DDB1: variants seen among roughly 807,000 people sequenced by gnomAD.
DDB1 encodes the protein DNA damage-binding protein 1.
A neutral mutation model predicts 133.1 loss-of-function variants in DDB1; 18 were observed. That is an observed-to-expected ratio of 0.14 (90% CI 0.09 to 0.20). DDB1 has a LOEUF of 0.20. Ranked by LOEUF, DDB1 falls within the 10% of genes least tolerant of loss-of-function variation. The probability of loss-of-function intolerance (pLI) is 1.00; values close to 1 mark genes in which losing one functional copy is unlikely to be tolerated. For missense variants in DDB1, 828 were observed against 1,459.2 expected (o/e 0.57, Z 7.05); for synonymous variants, 580 against 550.5 (o/e 1.05, Z -0.75).
intron 2 of DDB1, chr11:61,330,289 A>C: frequency 2.4e-6 from 1 of 408,582 alleles, no homozygotes; most frequent in African/African-American, 2.0e-5. Context: ...TCTAGTTCTC[A>C]CTTTCATGAT....
intron 1 of DDB1, 76 bp downstream of exon 1, chr11:61,332,832 G>A (rs545103338): frequency 2.3e-6 from 3 of 1,313,324 alleles, no homozygotes; most frequent in South Asian, 3.6e-5. Flanking sequence ...GCCGCCCCCG[G>A]GGCGGCGGGC....
At chr11:61,316,142 G>A in intron 12 of DDB1, 143 bp downstream of exon 12, 1 of 709,084 alleles carries the variant, frequency 1.4e-6, no homozygotes, top group Non-Finnish European at 2.4e-6. Context: ...CTGAGTAGTG[G>A]ATTATCTGTA....
intron 18 of DDB1, 40 bp from the exon 19 acceptor site, chr11:61,310,458 A>G: frequency 1.3e-6 from 2 of 1,561,538 alleles, no homozygotes; most frequent in Non-Finnish European, 1.7e-6. Context: ...TCTCAAACAC[A>G]GAAGAAGTGC....
chr11:61,313,596 C>T lies in DDB1; in HGVS notation c.1972G>A (p.Val658Ile). The T allele has an allele frequency of 6.2e-7, 1 of 1,614,124 alleles. No homozygotes were observed. Among genetic ancestry groups the T allele is most frequent in the Non-Finnish European group, 8.5e-7 (1 of 1,180,038 alleles). Residue 658 changes from valine (V) to isoleucine (I), a missense_variant, in exon 16 of 27, where the codon GTC (valine) becomes ATC (isoleucine). Around this residue, in one of 7 missense-constraint regions of DDB1, gnomAD observed 396 missense variants for 554.1 expected, o/e 0.71. Transcript: ENST00000301764. ...NVFACSDRPT[V>I]IYSSNHKLVF... The stretch of plus-strand genomic sequence containing the variant: ...AATTTGTGGTTGCTGCTATAGATGA[C>T]AGTGGGGCGGTCAGAACAAGCAAAG...
rs1340367258 is a variant in DDB1, at chr11:61,309,880, A to G, written c.2482T>C (p.Tyr828His). 6.2e-7 allele frequency: 1 copy of G among 1,614,210 alleles called. No individual in the cohort carries two copies. Among genetic ancestry groups the G allele is most frequent in the Admixed American group, 1.7e-5 (1 of 60,020 alleles). The change falls in exon 20 of 27, where the codon TAC (tyrosine) becomes CAC (histidine). Residue 828 changes from tyrosine to histidine, a missense_variant. Around this residue, in one of 7 missense-constraint regions of DDB1, gnomAD observed 396 missense variants for 554.1 expected, o/e 0.71. Coordinates refer to ENST00000301764, the MANE Select transcript of DDB1 (RefSeq NM_001923.5). ...ACCATTGCTGTGCCCACAATGAAGTAAGTGTTGGGGTCTTTGCCCAGCTTG... is the reference window on the plus strand; with the variant it reads ...ACCATTGCTGTGCCCACAATGAAGTGAGTGTTGGGGTCTTTGCCCAGCTTG... The part of the protein sequence containing the change: ...SCKLGKDPNT[Y>H]FIVGTAMVYP...
intron 19 of DDB1, 128 bp downstream of exon 19, chr11:61,310,167 C>G: frequency 7.0e-7 from 1 of 1,434,108 alleles, no homozygotes; most frequent in Non-Finnish European, 9.5e-7. Context: ...TCACAGAATT[C>G]CCACCCCTCC....
At chr11:61,307,772 C>A (rs1855900460) in intron 21 of DDB1, among the ~76,000 whole-genome samples, 1 of 152,136 alleles carries the variant, frequency 6.6e-6, no homozygotes, top group South Asian at 2.1e-4. Context: ...CACTCCAAAC[C>A]TGCTGCACTA....
At position 61,321,727 on chromosome 11, in the gene DDB1, C is replaced by G. The variant is rs559744672; in HGVS notation, c.1123-30G>C. ...AAGCAGAGAAAACGTTTCTAAAGAA[C>G]CCCCTCAAGATACTGGGCCAGTCAT... On this transcript the variant is annotated intron_variant, in intron 9 of 26. Coordinates refer to ENST00000301764, the MANE Select transcript of DDB1 (RefSeq NM_001923.5). 5.6e-6 allele frequency: 9 copies of G among 1,600,142 alleles called. No homozygotes were observed. The African/African-American group carries it at 1.2e-4, about 21-fold the overall frequency.
Position 61,309,747 on chromosome 11 carries a change from T to C in DDB1, c.2566+49A>G, listed in dbSNP as rs759830758. ...TGAAACCTCACAATGGCCTGCTGAC[T>C]TTCTCAGCATTTCACATCCCTCAGA... On this transcript the variant is annotated intron_variant, in intron 20 of 26. Coordinates refer to ENST00000301764, the MANE Select transcript of DDB1 (RefSeq NM_001923.5). The C allele has an allele frequency of 3.8e-6, 6 of 1,584,422 alleles. No individual in the cohort carries two copies. In the East Asian group the frequency reaches 1.1e-4, roughly 30 times the overall value.
rs565836116 is a variant in DDB1 at position 61,299,991 on chromosome 11, C to G, written c.*145G>C. Reference sequence around the variant, plus strand: ...CCAAGTCTCTATGAAGCCCGCCCCACTTCCACATAGGGGAACTGTGGCTCT... The same window carrying G: ...CCAAGTCTCTATGAAGCCCGCCCCAGTTCCACATAGGGGAACTGTGGCTCT... On this transcript the variant is annotated 3_prime_UTR_variant, in exon 27 of 27. Transcript: ENST00000301764. 3.5e-4 allele frequency: 257 copies of G among 729,096 alleles called. 1 individual carries two copies. The highest frequency in any genetic ancestry group is 5.3e-4 in the Non-Finnish European group (227 of 426,296). The allele number at this position is 729,096 out of a possible 1,614,324, so 45.2% of individuals were successfully genotyped here. A position where few individuals can be genotyped will look rare whatever the true frequency, so the allele number is the denominator to read the frequency against.
intron 10 of DDB1, among the ~76,000 whole-genome samples, chr11:61,316,974 T>G (rs1421313611): frequency 1.0e-4 from 6 of 60,086 alleles, no homozygotes; most frequent in Admixed American, 3.2e-4. Context: ...TATATATATA[T>G]ATATATATAT....
At chr11:61,311,725 G>A in intron 18 of DDB1, 59 bp downstream of exon 18, 1 of 1,493,666 alleles carries the variant, frequency 6.7e-7, no homozygotes, top group Non-Finnish European at 9.1e-7. Context: ...TACCTGGCCT[G>A]TACAGAAAGC....
At chr11:61,309,329 T>C (rs1011100673) in intron 20 of DDB1, among the ~76,000 whole-genome samples, 4 of 152,172 alleles carry the variant, frequency 2.6e-5, no homozygotes, top group Admixed American at 6.5e-5. Context: ...TCTCTCAAGA[T>C]GGAAACCAGA....
intron 5 of DDB1, chr11:61,326,225 T>C (rs1856267647): frequency 9.0e-6 from 2 of 222,166 alleles, no homozygotes; most frequent in South Asian, 1.3e-4. Context: ...ACTTTGTCAA[T>C]CATGGACAGG....
chr11:61,316,176 T>C, intron 12 of DDB1, 109 bp downstream of exon 12: 1 of 912,650 alleles, frequency 1.1e-6, no homozygotes, highest in Non-Finnish European at 1.7e-6. Context: ...AATTTTTACA[T>C]TATTTTTGGA....
At chr11:61,319,725 C>T (rs553866859) in intron 10 of DDB1, among the ~76,000 whole-genome samples, 4 of 152,300 alleles carry the variant, frequency 2.6e-5, no homozygotes, top group Admixed American at 1.3e-4. Flanking sequence ...GCATTGCGCC[C>T]GGCCTCTCAT....
At chr11:61,307,828 CCT>C (rs1466014120) in intron 21 of DDB1, among the ~76,000 whole-genome samples, 1 of 152,048 alleles carries the variant, frequency 6.6e-6, no homozygotes, top group Non-Finnish European at 1.5e-5. Context: ...ACCCTTTATT[CCT>C]CTGCCTCTCA....
At chr11:61,304,311 G>A (rs1424623297) in intron 21 of DDB1, among the ~76,000 whole-genome samples, 3 of 151,962 alleles carry the variant, frequency 2.0e-5, no homozygotes, top group East Asian at 1.9e-4. Context: ...ACAGTAATGT[G>A]GGTAGTCGGG....
At position 61,314,466 on chromosome 11, in the gene DDB1, C is replaced by T. The variant is rs777913665; in HGVS notation, c.1431G>A (p.Arg477=). 1 of 1,613,008 alleles carries T rather than the reference C, an allele frequency of 6.2e-7. No homozygotes were observed. The highest frequency in any genetic ancestry group is 1.1e-5 in the South Asian group (1 of 90,928). The change falls in exon 13 of 27, where the codon AGG becomes AGA. Residue 477 remains arginine, a synonymous_variant. Coordinates refer to ENST00000301764, the MANE Select transcript of DDB1 (RefSeq NM_001923.5). The part of the protein sequence containing the change: ...QLIQITSASV[R]LVSQEPKALV... ...GAGCTTTGGGTTCTTGAGAGACCAA[C>T]CTCACCGATGCTGAAGTGATCTAGA...
Sources: allele counts gnomAD v4.1 joint callset (sites outside exome capture counted in the v4.1 genomes callset), GRCh38; gene constraint gnomAD v4.1.1; regional missense constraint gnomAD v4.1.1; transcripts MANE v1.5; gene names NCBI Gene and HGNC (gene_info 2026-07-23, HGNC 2026-07-21).